The following EIF2B3 variants were observed in gnomAD, a reference collection of about 807,000 sequenced individuals.
EIF2B3 encodes the protein eukaryotic translation initiation factor 2B subunit gamma, also known as translation initiation factor eIF2B subunit gamma.
EIF2B3 carries 20 observed loss-of-function variants against 54.1 expected under a neutral mutation model. That is an observed-to-expected ratio of 0.37 (90% CI 0.26 to 0.54). The LOEUF (loss-of-function observed/expected upper bound fraction) is 0.54. Among genes scored for constraint, EIF2B3 ranks in the 20% least tolerant of loss-of-function variants. The pLI, the probability that EIF2B3 is intolerant of heterozygous loss-of-function variation, is 0.86. For missense variants in EIF2B3, 448 were observed against 547.8 expected, an observed-to-expected ratio of 0.82 and a Z score of 1.82; for synonymous variants, 153 against 188.1, an observed-to-expected ratio of 0.81 and a Z score of 1.52.
At chr1:44,853,657 G>C (rs1654347144) in intron 11 of EIF2B3, among the ~76,000 whole-genome samples, 1 of 152,138 alleles carries the variant, frequency 6.6e-6, no homozygotes, top group African/African-American at 2.4e-5. Context: ...AGGGATGGGA[G>C]TAGGGTCCAG....
At chr1:44,959,481 T>G (rs1226790153) in intron 3 of EIF2B3, 2 of 329,486 alleles carry the variant, frequency 6.1e-6, no homozygotes, top group African/African-American at 4.3e-5. Context: ...AGTATGACAC[T>G]GTAATGATCT....
intron 5 of EIF2B3, among the ~76,000 whole-genome samples, chr1:44,912,314 A>G (rs889961493): frequency 2.0e-5 from 3 of 152,332 alleles, no homozygotes; most frequent in African/African-American, 7.2e-5. Context: ...GAATTCCTTG[A>G]GAGTCTTGAA....
intron 4 of EIF2B3, among the ~76,000 whole-genome samples, chr1:44,931,776 C>T (rs72676542): frequency 0.17 from 25,845 of 152,162 alleles, 2,303 homozygotes; most frequent in Non-Finnish European, 0.18. Flanking sequence ...TCCCAATAAA[C>T]CAGAACTAGA....
intron 6 of EIF2B3, among the ~76,000 whole-genome samples, chr1:44,884,986 A>G (rs1011450389): frequency 6.6e-6 from 1 of 152,212 alleles, no homozygotes; most frequent in East Asian, 1.9e-4. Context: ...GAAGGAAACA[A>G]TTACTCTTCC....
intron 4 of EIF2B3, chr1:44,937,266 G>C (rs1369554958): frequency 1.3e-5 from 2 of 152,150 alleles, no homozygotes; most frequent in African/African-American, 4.8e-5. Flanking sequence ...CCTGGGGTGG[G>C]GGGCAAGAAG....
chr1:44,852,597 T>C (rs1654308488), intron 11 of EIF2B3, among the ~76,000 whole-genome samples: 1 of 151,850 alleles, frequency 6.6e-6, no homozygotes, highest in Non-Finnish European at 1.5e-5. Flanking sequence ...CTGGCCAACA[T>C]GATGGAACCC....
At chr1:44,968,665 G>T (rs537471129) in intron 3 of EIF2B3, among the ~76,000 whole-genome samples, 2 of 152,206 alleles carry the variant, frequency 1.3e-5, no homozygotes, top group South Asian at 4.1e-4. Flanking sequence ...TTGGGAGGCC[G>T]AGGCGGGCGG....
At chr1:44,930,539 G>A (rs1319564958) in intron 4 of EIF2B3, among the ~76,000 whole-genome samples, 1 of 152,218 alleles carries the variant, frequency 6.6e-6, no homozygotes, top group Non-Finnish European at 1.5e-5. Context: ...CTTAGAACCT[G>A]CTGCTGCTAC....
chr1:44,986,268 T>A (rs1644576486), intron 1 of EIF2B3, among the ~76,000 whole-genome samples: 1 of 151,838 alleles, frequency 6.6e-6, no homozygotes, highest in South Asian at 2.1e-4. Context: ...GACTCTCGAG[T>A]AGCTGAGATT....
intron 3 of EIF2B3, among the ~76,000 whole-genome samples, chr1:44,959,698 C>T (rs1644264692): frequency 1.3e-5 from 2 of 152,178 alleles, no homozygotes; most frequent in South Asian, 4.1e-4. Context: ...ACATAACAAA[C>T]TCATTGGCAA....
At chr1:44,853,896 G>T (rs1230254822) in intron 11 of EIF2B3, among the ~76,000 whole-genome samples, 1 of 152,096 alleles carries the variant, frequency 6.6e-6, no homozygotes, top group Non-Finnish European at 1.5e-5. Context: ...CTACTTTCAT[G>T]GTCAAAGAAC....
intron 4 of EIF2B3, among the ~76,000 whole-genome samples, chr1:44,935,780 C>T (rs1309388798): frequency 2.6e-5 from 4 of 152,146 alleles, no homozygotes; most frequent in Admixed American, 6.5e-5. Flanking sequence ...GGATTATAGG[C>T]GTGAGCCACT....
chr1:44,937,879 G>A (rs1414705761), intron 4 of EIF2B3, among the ~76,000 whole-genome samples: 6 of 69,234 alleles, frequency 8.7e-5, no homozygotes, highest in African/African-American at 2.4e-4. Flanking sequence ...GCGAGACTCC[G>A]TCTCAAAAAA....
In EIF2B3 at chr1:44,940,774, AAAAG is replaced by A. The variant is rs370672606; in HGVS notation, c.454+728_454+731del. The A allele has an allele frequency of 4.8e-3, 740 of 152,744 alleles. 3 individuals are homozygous for A. The highest frequency in any genetic ancestry group is 8.1e-3 in the East Asian group (42 of 5,178). 9.5% of individuals were successfully genotyped at this position (152,744 alleles called of 1,614,324 possible). ...AACAGAGCGAGTCTCCATCTCAAAAAAAAGAAAGAAAAAGAAAAAGAAAAAGAAA... is the reference window on the plus strand; with the variant it reads ...AACAGAGCGAGTCTCCATCTCAAAAAAAAGAAAAAGAAAAAGAAAAAGAAA... On this transcript the variant is annotated intron_variant, in intron 4 of 11. Transcript: ENST00000360403.
chr1:44,984,125 G>A (rs1644544138), intron 1 of EIF2B3, among the ~76,000 whole-genome samples: 1 of 152,094 alleles, frequency 6.6e-6, no homozygotes, highest in Non-Finnish European at 1.5e-5. Flanking sequence ...GCTGCAGTGA[G>A]CTGAGAGCAC....
At chr1:44,942,026 C>T (rs905539076) in intron 3 of EIF2B3, among the ~76,000 whole-genome samples, 1 of 151,988 alleles carries the variant, frequency 6.6e-6, no homozygotes, top group African/African-American at 2.4e-5. Context: ...AGCATTTTCA[C>T]ATAGTTTGAT....
At chr1:44,968,858 T>C (rs1434645070) in intron 3 of EIF2B3, among the ~76,000 whole-genome samples, 3 of 147,310 alleles carry the variant, frequency 2.0e-5, no homozygotes, top group East Asian at 4.0e-4. Context: ...GATTGCGCCA[T>C]GCACTCCAGC....
chr1:44,956,691 C>T (rs1351865142), intron 3 of EIF2B3, among the ~76,000 whole-genome samples: 1 of 151,844 alleles, frequency 6.6e-6, no homozygotes, highest in African/African-American at 2.4e-5. Flanking sequence ...ATATGATAAT[C>T]GTGAAACTTA....
chr1:44,894,942 T>A (rs1355419268), intron 6 of EIF2B3, among the ~76,000 whole-genome samples: 2 of 152,184 alleles, frequency 1.3e-5, no homozygotes, highest in Non-Finnish European at 2.9e-5. Flanking sequence ...CAATCCCATC[T>A]CCCACAACCT....
Sources: allele counts gnomAD v4.1 joint callset (sites outside exome capture counted in the v4.1 genomes callset), GRCh38; gene constraint gnomAD v4.1.1; transcripts MANE v1.5; gene names NCBI Gene and HGNC (gene_info 2026-07-23, HGNC 2026-07-21).